Variants in LRMDA observed in about 807,000 individuals in gnomAD.
LRMDA encodes leucine-rich melanocyte differentiation-associated protein.
Under a neutral mutation model 29.8 loss-of-function variants are expected in LRMDA, and 18 were observed. The observed-to-expected ratio is 0.60, with a 90% CI of 0.42 to 0.90. The LOEUF (loss-of-function observed/expected upper bound fraction) is 0.90. Ranked by LOEUF, LRMDA falls within the 40% of genes least tolerant of loss-of-function variation. LRMDA has a pLI of 0.00. For synonymous variants in LRMDA, 125 were observed against 109.4 expected (o/e 1.14, Z -0.89); for missense variants, 273 against 273.9 (o/e 1.00, Z 0.02).
chr10:75,639,690 G>A (rs1300835350), intron 2 of LRMDA, among the ~76,000 whole-genome samples: 1 of 152,116 alleles, frequency 6.6e-6, no homozygotes, highest in South Asian at 2.1e-4. Flanking sequence ...CAGGGACCCC[G>A]GCTTGGTTTA....
At chr10:76,437,480 A>G (rs1311449115) in intron 6 of LRMDA, 3 of 152,198 alleles carry the variant, frequency 2.0e-5, no homozygotes, top group Non-Finnish European at 2.9e-5. Context: ...GGAAATGTTT[A>G]TTGAGGACCT....
At chr10:76,481,462 T>C (rs1228614586) in intron 6 of LRMDA, among the ~76,000 whole-genome samples, 1 of 151,942 alleles carries the variant, frequency 6.6e-6, no homozygotes, top group East Asian at 1.9e-4. Context: ...GCATACTGTT[T>C]ATAAACCAAA....
chr10:75,906,247 G>T (rs562506925), intron 2 of LRMDA, among the ~76,000 whole-genome samples: 12 of 152,312 alleles, frequency 7.9e-5, no homozygotes, highest in South Asian at 2.1e-4. Context: ...ACTGTTGGTT[G>T]TCAGCTTTTT....
In LRMDA at chr10:75,872,478, G is replaced by A. The variant is rs1845131027; in HGVS notation, c.132-163530G>A. On this transcript the variant is annotated intron_variant, in intron 2 of 6. Coordinates refer to ENST00000611255, the MANE Select transcript of LRMDA (RefSeq NM_001305581.2). ...GCCACCATGCCTGGTTAATTTTTTT[G>A]TATTTTTAGTAGAGATGGGGTTTCA... is the stretch of plus-strand genomic sequence containing the variant. Among the ~76,000 whole-genome samples the A allele has an allele frequency of 2.0e-5, 3 of 151,976 alleles. No individual in the cohort carries two copies. In the South Asian group the frequency reaches 6.3e-4, roughly 32 times the overall value.
intron 5 of LRMDA, among the ~76,000 whole-genome samples, chr10:76,202,921 C>T (rs1464483300): frequency 1.3e-5 from 2 of 152,174 alleles, no homozygotes; most frequent in Non-Finnish European, 2.9e-5. Context: ...AGCTTAGCAA[C>T]ACTAAATGGC....
chr10:76,536,270 C>A (rs1843290199), intron 6 of LRMDA, among the ~76,000 whole-genome samples: 1 of 152,098 alleles, frequency 6.6e-6, no homozygotes, highest in Non-Finnish European at 1.5e-5. Flanking sequence ...GTAACATTTC[C>A]CCAATTTTCC....
intron 6 of LRMDA, 100 bp from the exon 7 acceptor site, chr10:76,557,109 T>C (rs945061703): frequency 1.3e-5 from 12 of 925,368 alleles, no homozygotes; most frequent in Non-Finnish European, 1.8e-5. Context: ...CTGCTGCCCA[T>C]TGGATCTATG....
At chr10:75,642,150 A>G (rs1449258843) in intron 2 of LRMDA, among the ~76,000 whole-genome samples, 1 of 152,164 alleles carries the variant, frequency 6.6e-6, no homozygotes, top group Non-Finnish European at 1.5e-5. Context: ...GTGGATCTGA[A>G]AGTTTATCTT....
At chr10:76,337,840 A>C (rs1298728774) in intron 6 of LRMDA, among the ~76,000 whole-genome samples, 1 of 152,024 alleles carries the variant, frequency 6.6e-6, no homozygotes, top group Non-Finnish European at 1.5e-5. Context: ...GTTAAAGTGG[A>C]AAGTCCCAGT....
intron 5 of LRMDA, among the ~76,000 whole-genome samples, chr10:76,300,088 C>T (rs1471102039): frequency 1.3e-5 from 2 of 152,086 alleles, no homozygotes; most frequent in Admixed American, 1.3e-4. Context: ...TATATAGTGG[C>T]AGAATTGAGA....
chr10:76,058,583 A>G lies in LRMDA; in HGVS notation c.399-83A>G. Reference sequence around the variant, plus strand: ...AGTTCCAGAAGACCGGATGGTGTGGATTCTTGAAGATCAGACAAGCTGTCG... The same window carrying G: ...AGTTCCAGAAGACCGGATGGTGTGGGTTCTTGAAGATCAGACAAGCTGTCG... On this transcript the variant is annotated intron_variant, in intron 4 of 6. Transcript: ENST00000611255. 6 of 1,129,264 alleles carry G rather than the reference A, an allele frequency of 5.3e-6. No individual in the cohort carries two copies. The South Asian group carries it at 7.4e-5, about 14-fold the overall frequency. The allele number at this position is 1,129,264 out of a possible 1,614,324, so 70.0% of individuals were successfully genotyped here. A position where few individuals can be genotyped will look rare whatever the true frequency, so the allele number is the denominator to read the frequency against.
chr10:76,087,759 ACC>A (rs2132086791), intron 5 of LRMDA, among the ~76,000 whole-genome samples: 1 of 152,258 alleles, frequency 6.6e-6, no homozygotes, highest in East Asian at 1.9e-4. Flanking sequence ...GAAAAGATAA[ACC>A]AGCAATCATT....
At chr10:75,444,318 C>T (rs537140797) in intron 2 of LRMDA, among the ~76,000 whole-genome samples, 1 of 152,172 alleles carries the variant, frequency 6.6e-6, no homozygotes, top group Non-Finnish European at 1.5e-5. Context: ...ATTAAAGTTA[C>T]TGGAGCCAGT....
intron 2 of LRMDA, among the ~76,000 whole-genome samples, chr10:75,773,587 G>C (rs918579981): frequency 2.0e-5 from 3 of 152,220 alleles, no homozygotes; most frequent in Non-Finnish European, 2.9e-5. Context: ...CCACGTCCTT[G>C]AGTTGTGGGT....
chr10:75,668,574 T>A (rs1380695852), intron 2 of LRMDA, among the ~76,000 whole-genome samples: 1 of 152,196 alleles, frequency 6.6e-6, no homozygotes, highest in Non-Finnish European at 1.5e-5. Context: ...TGTTTTCTCC[T>A]TTCATGGATA....
intron 6 of LRMDA, among the ~76,000 whole-genome samples, chr10:76,493,326 C>T (rs910429468): frequency 4.6e-5 from 7 of 151,924 alleles, no homozygotes; most frequent in African/African-American, 1.2e-4. Flanking sequence ...CACCAATGTT[C>T]GCTTAAGACT....
chr10:75,634,770 G>A (rs1841370210), intron 2 of LRMDA, among the ~76,000 whole-genome samples: 1 of 152,166 alleles, frequency 6.6e-6, no homozygotes. Context: ...ATATAAAGTA[G>A]TTAAAATATA....
At chr10:76,402,465 C>T (rs1841859306) in intron 6 of LRMDA, 1 of 152,348 alleles carries the variant, frequency 6.6e-6, no homozygotes, top group Non-Finnish European at 1.5e-5. Context: ...AATCCTCCCA[C>T]TTTAGCCTTC....
At chr10:76,001,150 G>A (rs1009012628) in intron 2 of LRMDA, among the ~76,000 whole-genome samples, 8 of 152,210 alleles carry the variant, frequency 5.3e-5, no homozygotes, top group South Asian at 2.1e-4. Flanking sequence ...AAATTCTTTC[G>A]CATTGTCTGG....
Sources: gnomAD v4.1 joint callset for allele counts (sites outside exome capture counted in the v4.1 genomes callset) on GRCh38, gnomAD v4.1.1 for gene constraint, MANE v1.5 for transcripts, NCBI Gene and HGNC (gene_info 2026-07-23, HGNC 2026-07-21) for gene names.